The following CNTN1 variants were observed in gnomAD, a reference collection of about 807,000 sequenced individuals.
The protein encoded by CNTN1 is contactin-1.
CNTN1 carries 38 observed loss-of-function variants against 126.4 expected under a neutral mutation model. The observed-to-expected ratio is 0.30, with a 90% CI of 0.23 to 0.39. The LOEUF is 0.39. CNTN1 is among the 10% of genes least tolerant of loss of function. The probability of loss-of-function intolerance (pLI) is 1.00; values close to 1 mark genes in which losing one functional copy is unlikely to be tolerated. For synonymous variants in CNTN1, 413 were observed against 422.6 expected, an observed-to-expected ratio of 0.98 and a Z score of 0.28; for missense variants, 1,009 against 1,248.4, an observed-to-expected ratio of 0.81 and a Z score of 2.89.
At chr12:40,835,673 G>A (rs1366098534) in intron 1 of CNTN1, among the ~76,000 whole-genome samples, 1 of 151,978 alleles carries the variant, frequency 6.6e-6, no homozygotes, top group Non-Finnish European at 1.5e-5. Flanking sequence ...TTTATCTCAA[G>A]GGTTGTCTGA....
At chr12:40,809,814 TCACA>T (rs3223354) in intron 1 of CNTN1, among the ~76,000 whole-genome samples, 8,417 of 146,776 alleles carry the variant, frequency 0.057, 464 homozygotes, top group East Asian at 0.17. Context: ...AGACTCTGTC[TCACA>T]CACACACACA....
At chr12:41,059,496 T>G (rs1014699964) in intron 23 of CNTN1, among the ~76,000 whole-genome samples, 1 of 152,160 alleles carries the variant, frequency 6.6e-6, no homozygotes, top group Non-Finnish European at 1.5e-5. Context: ...TTTAAAGATG[T>G]TTATGAAGCA....
intron 1 of CNTN1, among the ~76,000 whole-genome samples, chr12:40,842,935 G>C (rs1942342993): frequency 6.6e-6 from 1 of 152,006 alleles, no homozygotes; most frequent in African/African-American, 2.4e-5. Flanking sequence ...ACTAACGTAG[G>C]CAAAAGGGGG....
intron 1 of CNTN1, among the ~76,000 whole-genome samples, chr12:40,887,970 C>G (rs1240297762): frequency 7.5e-6 from 1 of 133,878 alleles, no homozygotes; most frequent in African/African-American, 2.9e-5. Context: ...ACAATGAGAA[C>G]ACGTGGACAC....
In CNTN1 at chr12:40,864,318, A is replaced by T. The variant is rs1403256272; in HGVS notation, c.-76-44039A>T. The stretch of plus-strand genomic sequence containing the variant: ...TACAGGCGTGAACCACCATGCCCAG[A>T]CCTATTTTTCTTTTTCTTTTAATAA... On this transcript the variant is annotated intron_variant, in intron 1 of 23. Coordinates refer to ENST00000551295, the MANE Select transcript of CNTN1 (RefSeq NM_001843.4). Among the ~76,000 whole-genome samples the T allele has an allele frequency of 8.6e-5, 13 of 151,744 alleles. 1 individual carries two copies. In the East Asian group the frequency reaches 2.1e-3, roughly 25 times the overall value.
intron 1 of CNTN1, among the ~76,000 whole-genome samples, chr12:40,758,980 C>T (rs1213003856): frequency 1.3e-5 from 2 of 152,112 alleles, no homozygotes; most frequent in African/African-American, 4.8e-5. Flanking sequence ...CCTCAGCTCA[C>T]TGCAACCTCC....
intron 1 of CNTN1, among the ~76,000 whole-genome samples, chr12:40,733,591 G>A (rs1464806302): frequency 2.6e-5 from 4 of 151,834 alleles, no homozygotes; most frequent in Non-Finnish European, 4.4e-5. Context: ...TTGATTGTGA[G>A]GAATTCTTTA....
chr12:41,017,337 G>A (rs1462137528), intron 19 of CNTN1, among the ~76,000 whole-genome samples: 18 of 147,038 alleles, frequency 1.2e-4, no homozygotes, highest in Non-Finnish European at 1.8e-4. Flanking sequence ...TTTGGGAGGC[G>A]GAGGCAGGCA....
At position 41,058,273 on chromosome 12, in the gene CNTN1, C is replaced by A. The variant is rs1949868080; in HGVS notation, c.2981-11686C>A. Among the ~76,000 whole-genome samples the A allele has an allele frequency of 2.0e-5, 3 of 152,240 alleles. No homozygotes were observed. The South Asian group carries it at 6.2e-4, about 32-fold the overall frequency. On this transcript the variant is annotated intron_variant, in intron 23 of 23. Transcript: ENST00000551295. ...TACTTCATACATGTTACTATATCAT[C>A]ATTGACAAACACCTAAAAGTCCCTG... is the stretch of plus-strand genomic sequence containing the variant.
chr12:40,713,373 G>C (rs1391053243), intron 1 of CNTN1, among the ~76,000 whole-genome samples: 1 of 151,274 alleles, frequency 6.6e-6, no homozygotes, highest in Non-Finnish European at 1.5e-5. Context: ...CTTGATGTTG[G>C]ACAAAATCAA....
At chr12:40,696,006 C>T (rs918231097) in intron 1 of CNTN1, among the ~76,000 whole-genome samples, 1 of 152,136 alleles carries the variant, frequency 6.6e-6, no homozygotes, top group African/African-American at 2.4e-5. Context: ...TGCAGTTAAG[C>T]GAACATCAGC....
intron 7 of CNTN1, 132 bp from the exon 8 acceptor site, chr12:40,933,329 G>A: frequency 1.4e-6 from 1 of 709,594 alleles, no homozygotes; most frequent in Non-Finnish European, 2.6e-6. Context: ...TATCCATTAT[G>A]ATATGACCTG....
chr12:40,729,628 C>A (rs183727584), intron 1 of CNTN1: 8 of 223,994 alleles, frequency 3.6e-5, no homozygotes, highest in Admixed American at 3.1e-4. Context: ...GAAGCTATTG[C>A]GAGCATGGAG....
chr12:41,027,012 A>G (rs1038867988), intron 21 of CNTN1, among the ~76,000 whole-genome samples: 1 of 152,138 alleles, frequency 6.6e-6, no homozygotes, highest in East Asian at 1.9e-4. Context: ...TAAATACCAA[A>G]TTTCTGCTTG....
chr12:40,783,697 CGTT>C lies in CNTN1; in HGVS notation c.-77+91108_-77+91110del, dbSNP rs1939892440. On this transcript the variant is annotated intron_variant, in intron 1 of 23. Coordinates refer to ENST00000551295, the MANE Select transcript of CNTN1 (RefSeq NM_001843.4). The stretch of plus-strand genomic sequence containing the variant: ...TTTAGAATCACAACACTCCTTTACT[CGTT>C]GTGTGAAACACGTAAATCAGGTAAT... Among the ~76,000 whole-genome samples the C allele has an allele frequency of 2.6e-5, 4 of 152,054 alleles. No homozygotes were observed. In the South Asian group the frequency reaches 6.2e-4, roughly 24 times the overall value.
chr12:41,039,633 A>T (rs1026195568), intron 23 of CNTN1, among the ~76,000 whole-genome samples: 4 of 152,162 alleles, frequency 2.6e-5, no homozygotes, highest in Non-Finnish European at 5.9e-5. Context: ...AAAACTGAGA[A>T]AGCAGCTGAG....
At chr12:40,731,362 A>G (rs181725026) in intron 1 of CNTN1, among the ~76,000 whole-genome samples, 717 of 152,154 alleles carry the variant, frequency 4.7e-3, no homozygotes, top group Non-Finnish European at 8.0e-3. Context: ...TTTTTAGTAA[A>G]CCATAAATGA....
chr12:40,725,360 C>CATTGCACT (rs1942322935), intron 1 of CNTN1, among the ~76,000 whole-genome samples: 1 of 136,876 alleles, frequency 7.3e-6, no homozygotes, highest in Non-Finnish European at 1.5e-5. Flanking sequence ...GAGATCACAC[C>CATTGCACT]ATTGCACTCC....
rs766880528 is a variant in CNTN1 at position 40,936,923 on chromosome 12, C to A, written c.1110+18C>A. On this transcript the variant is annotated intron_variant, in intron 10 of 23. Coordinates refer to ENST00000551295, the MANE Select transcript of CNTN1 (RefSeq NM_001843.4). Reference sequence around the variant, plus strand: ...GATATGCGGTATGTATGTTCAAGTGCTTTGCTGTTCCTGAGTCCCTGTTCA... The same window carrying A: ...GATATGCGGTATGTATGTTCAAGTGATTTGCTGTTCCTGAGTCCCTGTTCA... 1.9e-6 allele frequency: 3 copies of A among 1,611,946 alleles called. No individual in the cohort carries two copies. Among genetic ancestry groups the A allele is most frequent in the Non-Finnish European group, 2.5e-6 (3 of 1,178,650 alleles).
Sources: gnomAD v4.1 joint callset for allele counts (sites outside exome capture counted in the v4.1 genomes callset) on GRCh38, gnomAD v4.1.1 for gene constraint, MANE v1.5 for transcripts, NCBI Gene and HGNC (gene_info 2026-07-23, HGNC 2026-07-21) for gene names.